TSC22D1: variants seen among roughly 807,000 people sequenced by gnomAD.
The protein encoded by TSC22D1 is TSC22 domain family member 1.
In TSC22D1, 9 loss-of-function variants were observed where a neutral mutation model predicts 74.2. The observed-to-expected ratio is 0.12, with a 90% confidence interval of 0.07 to 0.21. The LOEUF (loss-of-function observed/expected upper bound fraction) is 0.21, where lower values mean the gene tolerates loss of function less well. TSC22D1 is among the 10% of genes least tolerant of loss of function. The pLI is 1.00. For synonymous variants in TSC22D1, 586 were observed against 492.5 expected (o/e 1.19, Z -2.51); for missense variants, 1,427 against 1,304.7 (o/e 1.09, Z -1.44).
chr13:44,542,768 TTA>T (rs934346938), intron 1 of TSC22D1, among the ~76,000 whole-genome samples: 5 of 152,214 alleles, frequency 3.3e-5, no homozygotes, highest in African/African-American at 1.2e-4. Flanking sequence ...AATGTATCAT[TTA>T]TATAAAAAAT....
At chr13:44,534,350 AGACCCC>A (rs1337289735) in intron 1 of TSC22D1, among the ~76,000 whole-genome samples, 4 of 146,034 alleles carry the variant, frequency 2.7e-5, no homozygotes, top group African/African-American at 1.0e-4. Context: ...TGACACTGTG[AGACCCC>A]GTCTTAAAAA....
intron 1 of TSC22D1, among the ~76,000 whole-genome samples, chr13:44,505,464 G>A (rs1879404846): frequency 6.6e-6 from 1 of 152,104 alleles, no homozygotes; most frequent in Non-Finnish European, 1.5e-5. Context: ...TGAGGTGGGA[G>A]GATTGCTTGA....
At chr13:44,557,526 T>A (rs1015894141) in intron 1 of TSC22D1, among the ~76,000 whole-genome samples, 5 of 152,218 alleles carry the variant, frequency 3.3e-5, no homozygotes, top group African/African-American at 1.2e-4. Context: ...CTAAATCCTA[T>A]TTTTCAAATG....
At chr13:44,483,856 A>G (rs1489544369) in intron 1 of TSC22D1, among the ~76,000 whole-genome samples, 4 of 152,170 alleles carry the variant, frequency 2.6e-5, no homozygotes, top group African/African-American at 7.2e-5. Context: ...GTACACCAAG[A>G]AGTAATTATT....
chr13:44,537,031 C>T (rs1881190929), intron 1 of TSC22D1: 4 of 957,354 alleles, frequency 4.2e-6, no homozygotes, highest in South Asian at 9.7e-5. Flanking sequence ...AATTAAAATA[C>T]ATTTAAAAAT....
chr13:44,574,935 ACTG>A lies in TSC22D1; in HGVS notation c.1137_1139del (p.Ser380del). On this transcript the variant is annotated inframe_deletion, in exon 1 of 3. Transcript: ENST00000458659. ...TCATCCCTGCAGCTGCATTAGGAACACTGCTAACAGCAGCAGAGGAAGAAATAG... is the reference window on the plus strand; with the variant it reads ...TCATCCCTGCAGCTGCATTAGGAACACTAACAGCAGCAGAGGAAGAAATAG... 6.2e-7 allele frequency: 1 copy of A among 1,614,140 alleles called. No individual in the cohort carries two copies. Among genetic ancestry groups the A allele is most frequent in the Middle Eastern group, 1.6e-4 (1 of 6,062 alleles).
intron 1 of TSC22D1, chr13:44,538,305 A>G (rs1881269111): frequency 2.0e-6 from 2 of 985,140 alleles, no homozygotes; most frequent in Admixed American, 6.2e-5. Flanking sequence ...GACAATTATA[A>G]TAAGCCTCAA....
intron 1 of TSC22D1, among the ~76,000 whole-genome samples, chr13:44,501,395 T>C (rs1428012493): frequency 1.3e-5 from 2 of 152,136 alleles, no homozygotes; most frequent in African/African-American, 4.8e-5. Flanking sequence ...GGTACCTGAA[T>C]TGGAGTGCAA....
intron 1 of TSC22D1, among the ~76,000 whole-genome samples, chr13:44,524,538 C>G (rs9533890): frequency 0.1 from 15,830 of 152,152 alleles, 898 homozygotes; most frequent in Non-Finnish European, 0.12. Context: ...CCCCACACTT[C>G]CATGATTTTT....
chr13:44,471,736 C>A (rs1031046560), intron 1 of TSC22D1, among the ~76,000 whole-genome samples: 1 of 152,156 alleles, frequency 6.6e-6, no homozygotes, highest in South Asian at 2.1e-4. Flanking sequence ...ACTAAGTCTC[C>A]TTTGACAAAT....
chr13:44,481,939 A>G (rs572748107), intron 1 of TSC22D1, among the ~76,000 whole-genome samples: 12 of 152,210 alleles, frequency 7.9e-5, no homozygotes, highest in Non-Finnish European at 1.6e-4. Flanking sequence ...CATTATTCCC[A>G]GTTAAAACTC....
intron 1 of TSC22D1, among the ~76,000 whole-genome samples, chr13:44,561,758 T>A (rs1318194973): frequency 2.0e-5 from 3 of 152,298 alleles, no homozygotes; most frequent in East Asian, 3.9e-4. Flanking sequence ...CCTTAAAATA[T>A]TTAAAGCAGC....
chr13:44,558,336 A>AT (rs1882822261), intron 1 of TSC22D1, among the ~76,000 whole-genome samples: 1 of 152,218 alleles, frequency 6.6e-6, no homozygotes, highest in African/African-American at 2.4e-5. Flanking sequence ...AGTAAAAAAA[A>AT]TTTTTGAATC....
intron 1 of TSC22D1, among the ~76,000 whole-genome samples, chr13:44,545,750 G>C (rs527915052): frequency 6.6e-6 from 1 of 152,232 alleles, no homozygotes; most frequent in East Asian, 1.9e-4. Context: ...GCCAAGGCGG[G>C]TGGATCACTT....
intron 1 of TSC22D1, among the ~76,000 whole-genome samples, chr13:44,441,779 A>G (rs1875225965): frequency 6.6e-6 from 1 of 152,156 alleles, no homozygotes; most frequent in African/African-American, 2.4e-5. Flanking sequence ...TTTAAATAAA[A>G]TAAATTTTAA....
At chr13:44,505,091 T>C (rs1297707155) in intron 1 of TSC22D1, among the ~76,000 whole-genome samples, 3 of 152,204 alleles carry the variant, frequency 2.0e-5, no homozygotes, top group Non-Finnish European at 1.5e-5. Flanking sequence ...ATTTTAGTAC[T>C]CACAGGTTTG....
In TSC22D1 at chr13:44,434,390, C is replaced by T; in HGVS notation, c.*236G>A. The T allele has an allele frequency of 1.5e-6, 2 of 1,371,466 alleles. No individual in the cohort carries two copies. The highest frequency in any genetic ancestry group is 9.3e-7 in the Non-Finnish European group (1 of 1,071,646). 85.0% of individuals were successfully genotyped at this position (1,371,466 alleles called of 1,614,324 possible). On this transcript the variant is annotated 3_prime_UTR_variant, in exon 3 of 3. Coordinates refer to ENST00000458659, the MANE Select transcript of TSC22D1 (RefSeq NM_183422.4). The stretch of plus-strand genomic sequence containing the variant: ...ATATCTGCCAAGCTGCATGAGGTCC[C>T]GGTATATCCATGCTAATTCTCGGAT...
At chr13:44,569,319 C>CA (rs1190014774) in intron 1 of TSC22D1, among the ~76,000 whole-genome samples, 1 of 152,022 alleles carries the variant, frequency 6.6e-6, no homozygotes, top group Non-Finnish European at 1.5e-5. Context: ...GGCTATATTA[C>CA]ATATCTAGTG....
At chr13:44,483,478 A>C (rs1878278054) in intron 1 of TSC22D1, among the ~76,000 whole-genome samples, 1 of 152,030 alleles carries the variant, frequency 6.6e-6, no homozygotes, top group Non-Finnish European at 1.5e-5. Context: ...TGGCTAACAC[A>C]GTGAAACGCC....
Sources: gnomAD v4.1 joint callset for allele counts (sites outside exome capture counted in the v4.1 genomes callset) on GRCh38, gnomAD v4.1.1 for gene constraint, MANE v1.5 for transcripts, NCBI Gene and HGNC (gene_info 2026-07-23, HGNC 2026-07-21) for gene names.